The following SPAG16 variants were observed in gnomAD, a reference collection of about 807,000 sequenced individuals.
SPAG16 encodes sperm-associated antigen 16 protein.
A neutral mutation model predicts 80.4 loss-of-function variants in SPAG16; 86 were observed. The ratio of observed to expected loss-of-function variants is 1.07; its 90% CI spans 0.90 to 1.28. The LOEUF (loss-of-function observed/expected upper bound fraction) is 1.28, where lower values mean the gene tolerates loss of function less well. Ranked by LOEUF, SPAG16 falls within the 50% of genes most tolerant of loss-of-function variation. The probability of loss-of-function intolerance (pLI) is 0.00; values close to 1 mark genes in which losing one functional copy is unlikely to be tolerated. For synonymous variants in SPAG16, 294 were observed against 265.9 expected, an observed-to-expected ratio of 1.11 and a Z score of -1.03; for missense variants, 870 against 765.3, an observed-to-expected ratio of 1.14 and a Z score of -1.61.
intron 10 of SPAG16, among the ~76,000 whole-genome samples, chr2:213,717,245 G>A (rs756152320): frequency 6.0e-5 from 9 of 149,242 alleles, no homozygotes; most frequent in Non-Finnish European, 1.0e-4. Context: ...TGCAAGCTCC[G>A]CCTCCCAGGT....
chr2:213,395,645 C>G, intron 9 of SPAG16, among the ~76,000 whole-genome samples: 1 of 152,086 alleles, frequency 6.6e-6, no homozygotes. Flanking sequence ...ATAAAATGCC[C>G]TATCATTATG....
intron 10 of SPAG16, among the ~76,000 whole-genome samples, chr2:213,627,637 T>G (rs956725310): frequency 6.6e-6 from 1 of 152,142 alleles, no homozygotes; most frequent in Non-Finnish European, 1.5e-5. Flanking sequence ...TGTCAATATA[T>G]TTCTTGTGTC....
intron 10 of SPAG16, among the ~76,000 whole-genome samples, chr2:213,718,199 T>G (rs887048233): frequency 7.2e-6 from 1 of 139,202 alleles, no homozygotes; most frequent in Non-Finnish European, 1.6e-5. Context: ...GCAAAGGATA[T>G]GAACAGACAC....
intron 15 of SPAG16, among the ~76,000 whole-genome samples, chr2:214,181,215 A>G (rs2057297814): frequency 6.6e-6 from 1 of 151,904 alleles, no homozygotes; most frequent in Admixed American, 6.6e-5. Context: ...TAACAAAGGA[A>G]TATCTAACAT....
Position 213,297,317 on chromosome 2 carries a change from T to G in SPAG16, c.239T>G (p.Ile80Ser). 1 of 1,613,044 alleles carries G rather than the reference T, an allele frequency of 6.2e-7. No individual in the cohort carries two copies. The highest frequency in any genetic ancestry group is 1.3e-5 in the African/African-American group (1 of 74,996). Residue 80 changes from isoleucine (I) to serine (S), a missense_variant, in exon 3 of 16, where the codon ATT becomes AGT. Ile to Ser is a moderately radical substitution (Grantham distance 142). Transcript: ENST00000331683. ...GGTGAAGAAGATCTGGCAAAAGCAA[T>G]TCAGATGGCCCAAGAACAGGCTACA... ...PEGEEDLAKA[I>S]QMAQEQATDT...
chr2:213,797,589 T>C (rs2071125128), intron 10 of SPAG16, among the ~76,000 whole-genome samples: 1 of 152,180 alleles, frequency 6.6e-6, no homozygotes, highest in Non-Finnish European at 1.5e-5. Context: ...AGCTATACCA[T>C]CTAGGTTTGT....
At chr2:213,682,978 A>G (rs1056989168) in intron 10 of SPAG16, among the ~76,000 whole-genome samples, 2 of 152,212 alleles carry the variant, frequency 1.3e-5, no homozygotes, top group Non-Finnish European at 2.9e-5. Flanking sequence ...ATGGGATTAC[A>G]TAGTATAAAA....
intron 10 of SPAG16, among the ~76,000 whole-genome samples, chr2:213,837,833 T>G (rs1278911866): frequency 2.0e-5 from 3 of 152,054 alleles, no homozygotes; most frequent in Non-Finnish European, 4.4e-5. Context: ...TAGACGAGTC[T>G]AGGAGGTGTG....
intron 10 of SPAG16, among the ~76,000 whole-genome samples, chr2:213,637,914 G>A (rs1281844010): frequency 6.6e-6 from 1 of 151,916 alleles, no homozygotes; most frequent in African/African-American, 2.4e-5. Flanking sequence ...CTGCCACCAC[G>A]CCCAGCTAAT....
intron 9 of SPAG16, among the ~76,000 whole-genome samples, chr2:213,383,995 A>G (rs762940312): frequency 5.3e-5 from 8 of 152,206 alleles, no homozygotes; most frequent in Non-Finnish European, 1.2e-4. Context: ...GCCTGAGTAC[A>G]TGTTAATCTG....
At chr2:214,096,189 C>T (rs889318271) in intron 13 of SPAG16, among the ~76,000 whole-genome samples, 4 of 151,488 alleles carry the variant, frequency 2.6e-5, no homozygotes, top group Non-Finnish European at 5.9e-5. Flanking sequence ...TAGTGTTTCC[C>T]TCTGCCATTA....
chr2:213,740,406 T>C (rs2067491697), intron 10 of SPAG16, among the ~76,000 whole-genome samples: 1 of 152,022 alleles, frequency 6.6e-6, no homozygotes, highest in Non-Finnish European at 1.5e-5. Flanking sequence ...GAAATGGGAG[T>C]GGACCAGAAA....
intron 15 of SPAG16, among the ~76,000 whole-genome samples, chr2:214,392,816 G>C (rs1701168508): frequency 6.6e-6 from 1 of 152,004 alleles, no homozygotes; most frequent in Non-Finnish European, 1.5e-5. Flanking sequence ...CAATAATATA[G>C]CTACTAATTT....
At chr2:213,976,342 A>G (rs2045406697) in intron 12 of SPAG16, among the ~76,000 whole-genome samples, 1 of 151,476 alleles carries the variant, frequency 6.6e-6, no homozygotes, top group Non-Finnish European at 1.5e-5. Flanking sequence ...GCACATATAT[A>G]TATATCAGAT....
At chr2:213,344,843 G>A (rs529795495) in intron 6 of SPAG16, among the ~76,000 whole-genome samples, 3 of 152,074 alleles carry the variant, frequency 2.0e-5, no homozygotes, top group Non-Finnish European at 4.4e-5. Context: ...TAAACATAAC[G>A]TGTGCATGTG....
At chr2:213,985,910 A>G (rs2045976208) in intron 12 of SPAG16, among the ~76,000 whole-genome samples, 1 of 152,080 alleles carries the variant, frequency 6.6e-6, no homozygotes, top group African/African-American at 2.4e-5. Context: ...CCTGCACACT[A>G]GTGAATTTGC....
intron 9 of SPAG16, among the ~76,000 whole-genome samples, chr2:213,478,862 A>G (rs1398923289): frequency 6.6e-6 from 1 of 152,142 alleles, no homozygotes; most frequent in Non-Finnish European, 1.5e-5. Flanking sequence ...AATTTAACCA[A>G]TAGTCTTAAA....
At chr2:213,676,516 G>C (rs1559366765) in intron 10 of SPAG16, among the ~76,000 whole-genome samples, 1 of 151,660 alleles carries the variant, frequency 6.6e-6, no homozygotes, top group Non-Finnish European at 1.5e-5. Context: ...ATTGGCTGTG[G>C]GTTTGTCATA....
At chr2:213,286,832 A>G (rs1281953845) in intron 1 of SPAG16, among the ~76,000 whole-genome samples, 1 of 152,230 alleles carries the variant, frequency 6.6e-6, no homozygotes, top group African/African-American at 2.4e-5. Flanking sequence ...TAAATACTCA[A>G]TTATGAAGAG....
Sources: allele counts gnomAD v4.1 joint callset (sites outside exome capture counted in the v4.1 genomes callset), GRCh38; gene constraint gnomAD v4.1.1; transcripts MANE v1.5; gene names NCBI Gene and HGNC (gene_info 2026-07-23, HGNC 2026-07-21).